KBTBD12: variants seen among roughly 807,000 people sequenced by gnomAD.
KBTBD12 encodes the protein kelch repeat and BTB domain-containing protein 12.
In KBTBD12, 53 loss-of-function variants were observed where a neutral mutation model predicts 58.7. That is an observed-to-expected ratio of 0.90 (90% CI 0.72 to 1.14). The LOEUF is 1.14. KBTBD12 is among the 50% of genes most tolerant of loss of function. The pLI, the probability that KBTBD12 is intolerant of heterozygous loss-of-function variation, is 0.00. For missense variants in KBTBD12, 704 were observed against 751.3 expected (o/e 0.94, Z 0.74); for synonymous variants, 236 against 259.8 (o/e 0.91, Z 0.88).
intron 4 of KBTBD12, among the ~76,000 whole-genome samples, chr3:127,962,852 T>C (rs1273429796): frequency 1.3e-5 from 2 of 152,186 alleles, no homozygotes; most frequent in African/African-American, 4.8e-5. Context: ...CAAAGTCAGG[T>C]TACCTTTACA....
chr3:127,941,649 C>T (rs183914101), intron 4 of KBTBD12, among the ~76,000 whole-genome samples: 15 of 152,238 alleles, frequency 9.9e-5, no homozygotes, highest in Non-Finnish European at 1.8e-4. Flanking sequence ...TGCAGTGGTG[C>T]GATCTCAGCT....
chr3:127,965,465 A>G (rs567184868), intron 5 of KBTBD12, among the ~76,000 whole-genome samples: 1 of 152,396 alleles, frequency 6.6e-6, no homozygotes, highest in East Asian at 1.9e-4. Flanking sequence ...TAACATACCT[A>G]TTATGATCTA....
Position 127,984,237 on chromosome 3 carries a change from C to G in KBTBD12, c.1831C>G (p.Pro611Ala). ...CAGGATGAATCCCCGAGACCTCATCCCCCCGCCTTCAGATTTGGTGGAAGA... is the reference window on the plus strand; with the variant it reads ...CAGGATGAATCCCCGAGACCTCATCGCCCCGCCTTCAGATTTGGTGGAAGA... ...VARMNPRDLI[P>A]PPSDLVEEGN... Residue 611 changes from proline to alanine, a missense_variant, in exon 6 of 6, where the codon CCC becomes GCC. By Grantham distance (27) the Pro-to-Ala change is conservative. Transcript: ENST00000405109. The G allele has an allele frequency of 6.2e-7, 1 of 1,613,876 alleles. No homozygotes were observed. Among genetic ancestry groups the G allele is most frequent in the Non-Finnish European group, 8.5e-7 (1 of 1,179,866 alleles).
Position 127,927,870 on chromosome 3 carries a change from C to T in KBTBD12, c.1177C>T (p.Gln393Ter). 1 of 1,612,832 alleles carries T rather than the reference C, an allele frequency of 6.2e-7. No individual in the cohort carries two copies. The change falls in exon 3 of 6, where the codon CAG becomes TAG. Residue 393 changes from glutamine to a stop codon, truncating the protein, a stop_gained. Coordinates refer to ENST00000405109, the MANE Select transcript of KBTBD12 (RefSeq NM_207335.4). LOFTEE classifies it high-confidence loss of function. Reference sequence around the variant, plus strand: ...TAATGACCTTTATGTTATAGGAGGACAGATGAAAATTAAAAACCAGTATCT... The same window carrying T: ...TAATGACCTTTATGTTATAGGAGGATAGATGAAAATTAAAAACCAGTATCT... ...IHNDLYVIGG[Q>*]MKIKNQYLIT... is the part of the protein sequence containing the mutation.
intron 4 of KBTBD12, among the ~76,000 whole-genome samples, chr3:127,962,008 A>T (rs552496446): frequency 2.3e-4 from 35 of 152,362 alleles, no homozygotes; most frequent in African/African-American, 7.9e-4. Flanking sequence ...CTCCAGTATC[A>T]GTCACCACCC....
intron 3 of KBTBD12, among the ~76,000 whole-genome samples, chr3:127,928,338 A>G (rs1939625790): frequency 1.3e-5 from 2 of 152,176 alleles, no homozygotes; most frequent in Non-Finnish European, 2.9e-5. Context: ...GGAGCATCTA[A>G]CTAGGAGGAA....
chr3:127,943,851 T>C (rs890463225), intron 4 of KBTBD12, among the ~76,000 whole-genome samples: 2 of 152,164 alleles, frequency 1.3e-5, no homozygotes, highest in African/African-American at 2.4e-5. Flanking sequence ...CCATTTTGAG[T>C]TGCTTTTTGT....
chr3:127,965,626 G>A (rs1384545036), intron 5 of KBTBD12, among the ~76,000 whole-genome samples: 1 of 152,130 alleles, frequency 6.6e-6, no homozygotes, highest in Non-Finnish European at 1.5e-5. Flanking sequence ...GAAATATATT[G>A]TGAACAGGTA....
At chr3:127,972,612 T>A (rs1397337838) in intron 5 of KBTBD12, among the ~76,000 whole-genome samples, 1 of 152,194 alleles carries the variant, frequency 6.6e-6, no homozygotes, top group Non-Finnish European at 1.5e-5. Context: ...GCTTAGAATG[T>A]AGTTGTGCTT....
chr3:127,918,269 C>T (rs969597889), intron 1 of KBTBD12, among the ~76,000 whole-genome samples: 1 of 152,174 alleles, frequency 6.6e-6, no homozygotes, highest in Non-Finnish European at 1.5e-5. Flanking sequence ...AATAGCAGTG[C>T]AGCAACCACA....
intron 4 of KBTBD12, 45 bp downstream of exon 4, chr3:127,930,328 C>G (rs1251086615): frequency 6.3e-7 from 1 of 1,576,806 alleles, no homozygotes; most frequent in Non-Finnish European, 8.6e-7. Flanking sequence ...TTTTATTTTC[C>G]TCAGCAGTTT....
At chr3:127,977,079 T>C (rs1182169888) in intron 5 of KBTBD12, among the ~76,000 whole-genome samples, 1 of 152,190 alleles carries the variant, frequency 6.6e-6, no homozygotes, top group Non-Finnish European at 1.5e-5. Context: ...CACTTATAAG[T>C]GAGAATATGC....
rs56216317 is a variant in KBTBD12 at position 127,945,164 on chromosome 3, C to CTTTTTTTTTTTTTTT, written c.1492+14905_1492+14919dup. The stretch of plus-strand genomic sequence containing the variant: ...TGTTTTTTTTAAAAATAGTAGCTAT[C>CTTTTTTTTTTTTTTT]TTTTTTTTTTTTTTTTTTTTTTTTT... On this transcript the variant is annotated intron_variant, in intron 4 of 5. Transcript: ENST00000405109. Among the ~76,000 whole-genome samples the CTTTTTTTTTTTTTTT allele has an allele frequency of 1.0e-3, 29 of 28,772 alleles. 9 individuals are homozygous for CTTTTTTTTTTTTTTT. Among genetic ancestry groups the CTTTTTTTTTTTTTTT allele is most frequent in the Non-Finnish European group, 1.4e-3 (20 of 14,564 alleles). The allele number at this position is 28,772 out of a possible 152,430, so 18.9% of individuals were successfully genotyped here. A position where few individuals can be genotyped will look rare whatever the true frequency, so the allele number is the denominator to read the frequency against.
chr3:127,922,298 G>T (rs1450091832), intron 1 of KBTBD12, among the ~76,000 whole-genome samples: 12 of 152,198 alleles, frequency 7.9e-5, no homozygotes, highest in African/African-American at 2.9e-4. Flanking sequence ...CTAAGTTTAG[G>T]GTAATTTAGT....
At chr3:127,922,854 ATC>A (rs977030201) in intron 1 of KBTBD12, 94 bp from the exon 2 acceptor site, 7 of 446,642 alleles carry the variant, frequency 1.6e-5, no homozygotes, top group Non-Finnish European at 2.8e-5. Flanking sequence ...AGTGAATAAT[ATC>A]TGTTTATAAA....
At chr3:127,927,454 T>C (rs1016661843) in intron 2 of KBTBD12, among the ~76,000 whole-genome samples, 6 of 152,206 alleles carry the variant, frequency 3.9e-5, no homozygotes, top group African/African-American at 1.4e-4. Context: ...AAACTTTCTA[T>C]CCATTCTTGA....
At chr3:127,925,887 C>T (rs1310871407) in intron 2 of KBTBD12, among the ~76,000 whole-genome samples, 1 of 152,074 alleles carries the variant, frequency 6.6e-6, no homozygotes, top group Non-Finnish European at 1.5e-5. Context: ...GTGCTACATC[C>T]CTGTTATATT....
intron 3 of KBTBD12, among the ~76,000 whole-genome samples, chr3:127,929,239 C>A (rs1461541452): frequency 6.6e-6 from 1 of 152,180 alleles, no homozygotes; most frequent in African/African-American, 2.4e-5. Context: ...CGATTGAGTA[C>A]CTTGTATAAC....
At chr3:127,916,998 A>G (rs558656324) in intron 1 of KBTBD12, among the ~76,000 whole-genome samples, 1 of 152,358 alleles carries the variant, frequency 6.6e-6, no homozygotes, top group African/African-American at 2.4e-5. Context: ...CTCTCACACA[A>G]TGAACACAGA....
Sources: gnomAD v4.1 joint callset for allele counts (sites outside exome capture counted in the v4.1 genomes callset) on GRCh38, gnomAD v4.1.1 for gene constraint, MANE v1.5 for transcripts, NCBI Gene and HGNC (gene_info 2026-07-23, HGNC 2026-07-21) for gene names.